The following FBXL7 variants were observed in gnomAD, a reference collection of about 807,000 sequenced individuals.
FBXL7 encodes F-box/LRR-repeat protein 7.
Under a neutral mutation model 38.3 loss-of-function variants are expected in FBXL7, and 12 were observed. The observed-to-expected ratio is 0.31, with a 90% confidence interval of 0.20 to 0.51. The LOEUF (loss-of-function observed/expected upper bound fraction) is 0.51, where lower values mean the gene tolerates loss of function less well. FBXL7 is among the 20% of genes least tolerant of loss of function. FBXL7 has a pLI of 0.98. For synonymous variants in FBXL7, 297 were observed against 300.9 expected, an observed-to-expected ratio of 0.99 and a Z score of 0.13; for missense variants, 567 against 676.4, an observed-to-expected ratio of 0.84 and a Z score of 1.79.
chr5:15,531,472 T>C (rs1465171375), intron 1 of FBXL7, among the ~76,000 whole-genome samples: 2 of 152,212 alleles, frequency 1.3e-5, no homozygotes, highest in African/African-American at 2.4e-5. Flanking sequence ...TGTCAAAGTT[T>C]GCTAATAGAA....
In FBXL7 at chr5:15,836,173, A is replaced by G. The variant is rs1009313924; in HGVS notation, c.128-91717A>G. On this transcript the variant is annotated intron_variant, in intron 2 of 3. Coordinates refer to ENST00000504595, the MANE Select transcript of FBXL7 (RefSeq NM_012304.5). ...GTATCTTATCATTGTACCATATTCT[A>G]TCAGGTTCCTTCATTCACTCTTATT... is the stretch of plus-strand genomic sequence containing the variant. 1.1e-4 allele frequency among the ~76,000 whole-genome samples: 17 copies of G among 152,252 alleles called. No homozygotes were observed. The East Asian group carries it at 3.3e-3, about 29-fold the overall frequency.
At chr5:15,747,258 G>A (rs537927722) in intron 2 of FBXL7, among the ~76,000 whole-genome samples, 6 of 152,312 alleles carry the variant, frequency 3.9e-5, no homozygotes, top group South Asian at 2.1e-4. Flanking sequence ...ATGGAAAGAT[G>A]TTATTTTGCT....
At chr5:15,579,195 C>T (rs989460612) in intron 1 of FBXL7, among the ~76,000 whole-genome samples, 1 of 152,192 alleles carries the variant, frequency 6.6e-6, no homozygotes, top group Non-Finnish European at 1.5e-5. Context: ...CATGGAAACA[C>T]GTAGGAAGAG....
chr5:15,804,346 A>G (rs1266950531), intron 2 of FBXL7, among the ~76,000 whole-genome samples: 1 of 152,008 alleles, frequency 6.6e-6, no homozygotes, highest in Admixed American at 6.6e-5. Flanking sequence ...GCATACAACT[A>G]TAGTCCCAGC....
chr5:15,550,032 A>G (rs796820497), intron 1 of FBXL7, among the ~76,000 whole-genome samples: 5 of 152,312 alleles, frequency 3.3e-5, no homozygotes, highest in African/African-American at 1.2e-4. Flanking sequence ...CTTCTGTACA[A>G]AAAGGCTTTA....
chr5:15,832,489 T>C (rs148946401), intron 2 of FBXL7, among the ~76,000 whole-genome samples: 3 of 152,320 alleles, frequency 2.0e-5, no homozygotes, highest in African/African-American at 4.8e-5. Flanking sequence ...GAAATGTGAC[T>C]AAAAACATCT....
At chr5:15,656,678 T>G (rs977726088) in intron 2 of FBXL7, among the ~76,000 whole-genome samples, 14 of 151,982 alleles carry the variant, frequency 9.2e-5, no homozygotes, top group East Asian at 7.8e-4. Context: ...CAAGAAAACA[T>G]TGTTTTGTAA....
intron 2 of FBXL7, among the ~76,000 whole-genome samples, chr5:15,836,214 T>C (rs540935557): frequency 6.6e-6 from 1 of 152,314 alleles, no homozygotes; most frequent in Non-Finnish European, 1.5e-5. Context: ...GTCAAATACT[T>C]ATTGTACACT....
At chr5:15,501,822 C>A in intron 1 of FBXL7, 1 of 856,126 alleles carries the variant, frequency 1.2e-6, no homozygotes, top group Non-Finnish European at 1.4e-6. Flanking sequence ...TTAAGTCATT[C>A]TTTTTCCAGA....
intron 2 of FBXL7, among the ~76,000 whole-genome samples, chr5:15,740,383 G>A (rs957946505): frequency 2.0e-5 from 3 of 152,036 alleles, no homozygotes; most frequent in African/African-American, 7.2e-5. Context: ...GAGTCTTCAC[G>A]CTTCAGCTGA....
chr5:15,882,339 CA>C (rs966655491), intron 2 of FBXL7, among the ~76,000 whole-genome samples: 1 of 152,166 alleles, frequency 6.6e-6, no homozygotes, highest in Non-Finnish European at 1.5e-5. Context: ...GTGGTGGCGC[CA>C]GGTCATCTGG....
At position 15,612,737 on chromosome 5, in the gene FBXL7, A is replaced by C. The variant is rs1740291540; in HGVS notation, c.38-3246A>C. On this transcript the variant is annotated intron_variant, in intron 1 of 3. Coordinates refer to ENST00000504595, the MANE Select transcript of FBXL7 (RefSeq NM_012304.5). ...GATACAGTCAGACTCAGTGAAGGCC[A>C]CCTGATGCCATCTCTTTGTAGGAGG... 3.3e-5 allele frequency among the ~76,000 whole-genome samples: 5 copies of C among 152,272 alleles called. No homozygotes were observed. The South Asian group carries it at 1.0e-3, about 32-fold the overall frequency.
At chr5:15,581,679 G>A (rs375834884) in intron 1 of FBXL7, among the ~76,000 whole-genome samples, 11 of 152,240 alleles carry the variant, frequency 7.2e-5, no homozygotes, top group East Asian at 5.8e-4. Context: ...CTCAGACTTT[G>A]GTCTTATAAG....
At chr5:15,815,865 T>C (rs1376103839) in intron 2 of FBXL7, among the ~76,000 whole-genome samples, 2 of 152,214 alleles carry the variant, frequency 1.3e-5, no homozygotes, top group Non-Finnish European at 2.9e-5. Flanking sequence ...ATTTGTAGTA[T>C]GTTTCATTTC....
intron 2 of FBXL7, among the ~76,000 whole-genome samples, chr5:15,649,038 C>T (rs1741624874): frequency 6.6e-6 from 1 of 151,918 alleles, no homozygotes; most frequent in African/African-American, 2.4e-5. Flanking sequence ...ACTCTGTTGC[C>T]CAGGCTGGAG....
chr5:15,926,401 A>AATT (rs1032511560), intron 2 of FBXL7, among the ~76,000 whole-genome samples: 11 of 148,254 alleles, frequency 7.4e-5, no homozygotes, highest in Non-Finnish European at 1.6e-4. Flanking sequence ...TAGATACAAA[A>AATT]TTTATATTAT....
intron 2 of FBXL7, among the ~76,000 whole-genome samples, chr5:15,848,814 G>A (rs945234318): frequency 3.3e-5 from 5 of 152,258 alleles, no homozygotes; most frequent in Admixed American, 2.6e-4. Context: ...GGAAGAAAGA[G>A]CCCCTGTTTT....
At chr5:15,723,016 A>G (rs934044840) in intron 2 of FBXL7, among the ~76,000 whole-genome samples, 2 of 152,180 alleles carry the variant, frequency 1.3e-5, no homozygotes, top group African/African-American at 4.8e-5. Flanking sequence ...ATGTTACACA[A>G]TCACATACTA....
At chr5:15,915,617 A>G (rs1262629856) in intron 2 of FBXL7, among the ~76,000 whole-genome samples, 1 of 152,140 alleles carries the variant, frequency 6.6e-6, no homozygotes, top group East Asian at 1.9e-4. Context: ...GGTCACTTTC[A>G]CAGACACAGG....
Sources: gnomAD v4.1 joint callset for allele counts (sites outside exome capture counted in the v4.1 genomes callset) on GRCh38, gnomAD v4.1.1 for gene constraint, MANE v1.5 for transcripts, NCBI Gene and HGNC (gene_info 2026-07-23, HGNC 2026-07-21) for gene names.